Variants in BLTP1 observed in about 807,000 individuals in gnomAD.
BLTP1 encodes the protein bridge-like lipid transfer protein family member 1, also known as fragile site-associated protein.
At chr4:122,344,619 C>A in the BLTP1 span, 1 of 1,323,660 alleles carries the variant, frequency 7.6e-7, no homozygotes, top group Non-Finnish European at 1.1e-6. Flanking sequence ...AAATAATGGC[C>A]TCTGTTTTAA....
chr4:122,190,953 C>T, the BLTP1 span, among the ~76,000 whole-genome samples: 1 of 152,084 alleles, frequency 6.6e-6, no homozygotes, highest in African/African-American at 2.4e-5. Flanking sequence ...GCTAATGGTG[C>T]AGAGCAATGG....
At chr4:122,332,475 A>T in the BLTP1 span, among the ~76,000 whole-genome samples, 1 of 152,020 alleles carries the variant, frequency 6.6e-6, no homozygotes, top group East Asian at 1.9e-4. Flanking sequence ...AGGAAAGAAT[A>T]AAGGTAACTG....
At chr4:122,250,723 G>A in the BLTP1 span, 4 of 849,192 alleles carry the variant, frequency 4.7e-6, no homozygotes, top group African/African-American at 6.8e-5. Context: ...TAGTCAAAGT[G>A]TGTTGGTGAA....
chr4:122,301,267 A>C, the BLTP1 span: 1 of 1,529,018 alleles, frequency 6.5e-7, no homozygotes, highest in Non-Finnish European at 8.7e-7. Context: ...TTCTTTAAAA[A>C]AAAAAATTGT....
At chr4:122,243,996 T>G in the BLTP1 span, 1 of 1,604,810 alleles carries the variant, frequency 6.2e-7, no homozygotes, top group Non-Finnish European at 8.5e-7. Context: ...TGATATTGTT[T>G]TGACTCCCCT....
At chr4:122,193,189 C>T in the BLTP1 span, among the ~76,000 whole-genome samples, 2 of 152,164 alleles carry the variant, frequency 1.3e-5, no homozygotes, top group Non-Finnish European at 2.9e-5. Flanking sequence ...AATATAGTCA[C>T]ATTCTGAGGT....
chr4:122,293,063 G>C, the BLTP1 span: 10 of 942,434 alleles, frequency 1.1e-5, no homozygotes, highest in Non-Finnish European at 1.3e-5. Context: ...AAAAATATGA[G>C]GCTAGCTATA....
At chr4:122,303,348 A>C in the BLTP1 span, among the ~76,000 whole-genome samples, 1 of 152,204 alleles carries the variant, frequency 6.6e-6, no homozygotes, top group African/African-American at 2.4e-5. Context: ...TAAAAATATT[A>C]CTGCTCACTG....
At chr4:122,207,074 C>G in the BLTP1 span, 10 of 1,553,198 alleles carry the variant, frequency 6.4e-6, no homozygotes, top group South Asian at 9.9e-5. Flanking sequence ...TTTCAACTAA[C>G]TTTACAATTT....
At chr4:122,251,644 A>G in the BLTP1 span, 1 of 980,198 alleles carries the variant, frequency 1.0e-6, no homozygotes, top group Non-Finnish European at 1.2e-6. Flanking sequence ...ACTTGACAGA[A>G]ATTCAGGCAT....
chr4:122,261,368 G>A, the BLTP1 span: 3 of 984,246 alleles, frequency 3.0e-6, no homozygotes, highest in African/African-American at 1.7e-5. Flanking sequence ...TTTTGCTATG[G>A]GTTATTAAAG....
At chr4:122,349,867 G>A in the BLTP1 span, 17 of 1,613,248 alleles carry the variant, frequency 1.1e-5, no homozygotes, top group East Asian at 6.7e-5. This position sits in a 1 kb window ranked among gnomAD's most constrained non-coding sequence, Gnocchi z 4.5. Flanking sequence ...TGAGATTTTC[G>A]TCCATGGAGA....
the BLTP1 span, chr4:122,162,609 A>G: frequency 9.1e-6 from 9 of 985,266 alleles, no homozygotes; most frequent in Non-Finnish European, 1.1e-5. Context: ...CCTCTCATCC[A>G]TAATTCCTTT....
the BLTP1 span, chr4:122,325,704 A>C: frequency 1.6e-5 from 14 of 892,804 alleles, no homozygotes; most frequent in Non-Finnish European, 1.8e-5. Context: ...ATTAGAAGGA[A>C]GAAGATCAGC....
At chr4:122,269,140 G>A in the BLTP1 span, 2 of 837,774 alleles carry the variant, frequency 2.4e-6, no homozygotes, top group African/African-American at 3.7e-5. Flanking sequence ...GCAAGAGACA[G>A]CTTTCATACA....
At chr4:122,184,423 G>A in the BLTP1 span, among the ~76,000 whole-genome samples, 1 of 152,172 alleles carries the variant, frequency 6.6e-6, no homozygotes, top group African/African-American at 2.4e-5. Context: ...CAGATCACCT[G>A]AGGTCAGGAG....
the BLTP1 span, chr4:122,299,009 C>G: frequency 1.0e-6 from 1 of 985,250 alleles, no homozygotes. Flanking sequence ...TTTATACTTG[C>G]GTTCAGGAAA....
At chr4:122,169,864 A>C in the BLTP1 span, 8 of 985,118 alleles carry the variant, frequency 8.1e-6, no homozygotes, top group Non-Finnish European at 9.6e-6. Flanking sequence ...TTCCCCATGG[A>C]ATAATGGAGA....
At chr4:122,274,324 ATTT>A in the BLTP1 span, 1 of 1,251,148 alleles carries the variant, frequency 8.0e-7, no homozygotes, top group Non-Finnish European at 1.2e-6. Flanking sequence ...TCAAATAAAT[ATTT>A]TTTCTCATAT....
Sources: allele counts gnomAD v4.1 joint callset (sites outside exome capture counted in the v4.1 genomes callset), GRCh38; gene constraint gnomAD v4.1.1; non-coding constraint Gnocchi (gnomAD v3.1); transcripts MANE v1.5; gene names NCBI Gene and HGNC (gene_info 2026-07-23, HGNC 2026-07-21).